PCSK6: variants seen among roughly 807,000 people sequenced by gnomAD.
PCSK6 encodes proprotein convertase subtilisin/kexin type 6.
PCSK6 carries 85 observed loss-of-function variants against 123.3 expected under a neutral mutation model. The ratio of observed to expected loss-of-function variants is 0.69; its 90% confidence interval spans 0.58 to 0.83. PCSK6 has a LOEUF of 0.83. Ranked by LOEUF, PCSK6 falls within the 40% of genes least tolerant of loss-of-function variation. The pLI, the probability that PCSK6 is intolerant of heterozygous loss-of-function variation, is 0.00. For missense variants in PCSK6, 1,191 were observed against 1,282.3 expected, an observed-to-expected ratio of 0.93 and a Z score of 1.09; for synonymous variants, 508 against 516.0, an observed-to-expected ratio of 0.98 and a Z score of 0.21.
chr15:101,484,657 C>T (rs2057976204), intron 1 of PCSK6, among the ~76,000 whole-genome samples: 1 of 152,240 alleles, frequency 6.6e-6, no homozygotes, highest in Admixed American at 6.5e-5. Flanking sequence ...TCCCAAAGTG[C>T]TGGGATTACA....
chr15:101,425,162 T>G (rs1462220283), intron 6 of PCSK6, among the ~76,000 whole-genome samples: 2 of 152,064 alleles, frequency 1.3e-5, no homozygotes. Flanking sequence ...GTCTGCGGCG[T>G]GGGGCTGGGG....
intron 15 of PCSK6, among the ~76,000 whole-genome samples, chr15:101,330,010 C>T (rs2040340871): frequency 6.6e-6 from 1 of 152,218 alleles, no homozygotes. Flanking sequence ...GGGGGGACAG[C>T]CCAGGGTCTG....
intron 1 of PCSK6, among the ~76,000 whole-genome samples, chr15:101,473,449 A>G (rs1478264854): frequency 6.6e-6 from 1 of 152,268 alleles, no homozygotes; most frequent in South Asian, 2.1e-4. Context: ...GAAAGAATCA[A>G]TTTGGTTTTC....
chr15:101,473,251 AT>A (rs1359595512), intron 1 of PCSK6, among the ~76,000 whole-genome samples: 1 of 150,284 alleles, frequency 6.7e-6, no homozygotes, highest in African/African-American at 2.5e-5. Context: ...TAATTTTTTT[AT>A]TTTTTGTAGA....
intron 15 of PCSK6, among the ~76,000 whole-genome samples, chr15:101,327,879 C>A (rs568562426): frequency 1.3e-5 from 2 of 152,142 alleles, no homozygotes; most frequent in Non-Finnish European, 2.9e-5. Flanking sequence ...CTGTGTGTAT[C>A]CACGAGGACA....
intron 13 of PCSK6, among the ~76,000 whole-genome samples, chr15:101,365,334 G>A (rs1426785766): frequency 6.6e-6 from 1 of 152,070 alleles, no homozygotes; most frequent in Non-Finnish European, 1.5e-5. Context: ...TGCATCATCA[G>A]GCAATTGAAG....
chr15:101,422,508 C>T (rs937958014), intron 6 of PCSK6, among the ~76,000 whole-genome samples: 8 of 152,096 alleles, frequency 5.3e-5, no homozygotes, highest in Admixed American at 3.9e-4. Flanking sequence ...AGACCATATG[C>T]TAGGGCTAAT....
intron 1 of PCSK6, among the ~76,000 whole-genome samples, chr15:101,487,226 C>G (rs2141282731): frequency 6.6e-6 from 1 of 152,386 alleles, no homozygotes; most frequent in African/African-American, 2.4e-5. Context: ...GCCTCTGAGA[C>G]AGCTCCTATC....
At chr15:101,484,626 G>C (rs576865511) in intron 1 of PCSK6, among the ~76,000 whole-genome samples, 16 of 151,980 alleles carry the variant, frequency 1.1e-4, no homozygotes, top group Admixed American at 2.0e-4. Flanking sequence ...CCTGACCTCA[G>C]ATGATCCACC....
intron 15 of PCSK6, among the ~76,000 whole-genome samples, chr15:101,330,358 G>A (rs2040349247): frequency 6.6e-6 from 1 of 152,232 alleles, no homozygotes; most frequent in Non-Finnish European, 1.5e-5. Context: ...GAGTCCAGGT[G>A]CAGCCTCCAC....
At chr15:101,391,815 G>C (rs890315573) in intron 8 of PCSK6, among the ~76,000 whole-genome samples, 1 of 149,716 alleles carries the variant, frequency 6.7e-6, no homozygotes, top group East Asian at 1.9e-4. Flanking sequence ...CCTCCTGTCA[G>C]AGCAGACTTC....
intron 13 of PCSK6, among the ~76,000 whole-genome samples, chr15:101,347,947 T>C (rs2040779454): frequency 1.3e-5 from 2 of 152,164 alleles, no homozygotes; most frequent in Admixed American, 6.5e-5. Flanking sequence ...GGTGGTTGCT[T>C]AGCTGGGGGA....
At chr15:101,309,829 G>C (rs1044409802) in intron 20 of PCSK6, among the ~76,000 whole-genome samples, 10 of 152,248 alleles carry the variant, frequency 6.6e-5, no homozygotes, top group African/African-American at 2.2e-4. Flanking sequence ...GGTCTTGAGG[G>C]TGTCCGGCCC....
chr15:101,469,627 G>A (rs6598482), intron 1 of PCSK6, among the ~76,000 whole-genome samples: 1 of 152,184 alleles, frequency 6.6e-6, no homozygotes, highest in Non-Finnish European at 1.5e-5. Context: ...CTGAGCAGGG[G>A]TGTCCACACG....
intron 12 of PCSK6, among the ~76,000 whole-genome samples, chr15:101,367,853 C>A (rs538517418): frequency 5.8e-4 from 89 of 152,304 alleles, no homozygotes; most frequent in Admixed American, 2.9e-3. Flanking sequence ...GAGACAGACT[C>A]TCTTTCTGTC....
intron 1 of PCSK6, among the ~76,000 whole-genome samples, chr15:101,472,092 C>T (rs191565878): frequency 2.7e-4 from 41 of 152,244 alleles, no homozygotes; most frequent in African/African-American, 7.7e-4. Context: ...AAAAATCGAA[C>T]GGAGGCATCG....
intron 1 of PCSK6, among the ~76,000 whole-genome samples, chr15:101,484,802 C>A (rs1204062428): frequency 6.6e-6 from 1 of 151,742 alleles, no homozygotes; most frequent in East Asian, 1.9e-4. Flanking sequence ...AGATATAGAT[C>A]TGGTTTATTC....
intron 17 of PCSK6, among the ~76,000 whole-genome samples, chr15:101,322,939 G>T (rs541907992): frequency 6.6e-6 from 1 of 152,236 alleles, no homozygotes; most frequent in South Asian, 2.1e-4. Context: ...AAGTGGCCGG[G>T]TGTGGGCAGG....
Position 101,431,362 on chromosome 15 carries a change from A to G in PCSK6, c.615T>C (p.Asp205=), listed in dbSNP as rs2056439596. ...CAGGGTGATTTCTCTCTATGCCATC[A>G]TCAAGGATGGTGACCACCACGTTTT... ...TGKNVVVTIL[D]DGIERNHPDL... is the part of the protein sequence containing the mutation. The change falls in exon 4 of 22, where the codon GAT becomes GAC. Residue 205 remains aspartate (D), a synonymous_variant. Coordinates refer to ENST00000611716, the MANE Select transcript of PCSK6 (RefSeq NM_002570.5). 1 of 1,613,898 alleles carries G rather than the reference A, an allele frequency of 6.2e-7. No individual in the cohort carries two copies. Among genetic ancestry groups the G allele is most frequent in the Non-Finnish European group, 8.5e-7 (1 of 1,179,880 alleles).
Sources: allele counts gnomAD v4.1 joint callset (sites outside exome capture counted in the v4.1 genomes callset), GRCh38; gene constraint gnomAD v4.1.1; transcripts MANE v1.5; gene names NCBI Gene and HGNC (gene_info 2026-07-23, HGNC 2026-07-21).